The following NOX5 variants were observed in gnomAD, a reference collection of about 807,000 sequenced individuals.
NOX5 encodes NADPH oxidase, EF-hand calcium binding domain 5.
In NOX5, 76 loss-of-function variants were observed where a neutral mutation model predicts 85.7. That is an observed-to-expected ratio of 0.89 (90% CI 0.74 to 1.07). The LOEUF is 1.07. Among genes scored for constraint, NOX5 ranks in the 50% least tolerant of loss-of-function variants. NOX5 has a pLI of 0.00. For synonymous variants in NOX5, 405 were observed against 401.4 expected, an observed-to-expected ratio of 1.01 and a Z score of -0.11; for missense variants, 973 against 999.5, an observed-to-expected ratio of 0.97 and a Z score of 0.36.
chr15:69,019,188 C>T (rs915882303), intron 1 of NOX5, among the ~76,000 whole-genome samples: 1 of 152,140 alleles, frequency 6.6e-6, no homozygotes, highest in Non-Finnish European at 1.5e-5. Context: ...TTGTCATACC[C>T]GGCAGTAACG....
chr15:69,055,094 A>C (rs2050794357), intron 14 of NOX5, among the ~76,000 whole-genome samples: 15 of 152,184 alleles, frequency 9.9e-5, no homozygotes, highest in Admixed American at 9.8e-4. Context: ...TAACTCTTGG[A>C]GTGGTTGTGA....
chr15:69,035,855 G>C lies in NOX5; in HGVS notation c.1107G>C (p.Pro369=), dbSNP rs1484299977. The change falls in exon 7 of 16, where the codon CCG becomes CCC. Residue 369 remains proline (P), a synonymous_variant. Coordinates refer to ENST00000388866, the MANE Select transcript of NOX5 (RefSeq NM_024505.4). Reference sequence around the variant, plus strand: ...GCTGGGTACACGGTTCGGCCTCCCCGACAGGTGTCGCTCTGCTGCTGCTGC... The same window carrying C: ...GCTGGGTACACGGTTCGGCCTCCCCCACAGGTGTCGCTCTGCTGCTGCTGC... ...GIGWVHGSAS[P]TGVALLLLLL... is the part of the protein sequence containing the mutation. 2 of 1,614,100 alleles carry C rather than the reference G, an allele frequency of 1.2e-6. No homozygotes were observed. Among genetic ancestry groups the C allele is most frequent in the African/African-American group, 2.7e-5 (2 of 75,054 alleles).
intron 13 of NOX5, 106 bp downstream of exon 13, chr15:69,048,017 C>G: frequency 1.1e-6 from 1 of 904,822 alleles, no homozygotes; most frequent in Non-Finnish European, 1.8e-6. Flanking sequence ...TAGGTGATCC[C>G]TAATGGGATC....
intron 15 of NOX5, among the ~76,000 whole-genome samples, chr15:69,056,095 C>G (rs1294974524): frequency 6.6e-6 from 1 of 152,018 alleles, no homozygotes; most frequent in Non-Finnish European, 1.5e-5. Context: ...AAAGGCAATT[C>G]ATAAGCAGAA....
At chr15:69,020,204 G>C (rs2050280499) in intron 1 of NOX5, among the ~76,000 whole-genome samples, 1 of 152,132 alleles carries the variant, frequency 6.6e-6, no homozygotes, top group Non-Finnish European at 1.5e-5. Flanking sequence ...TTTATAACAG[G>C]TGTGACCATT....
intron 5 of NOX5, among the ~76,000 whole-genome samples, 173 bp from the exon 6 acceptor site, chr15:69,035,181 A>G (rs1241955994): frequency 6.6e-6 from 1 of 152,218 alleles, no homozygotes; most frequent in Non-Finnish European, 1.5e-5. Flanking sequence ...ATCCTCCTCT[A>G]GAGACCCCAG....
Position 69,062,538 on chromosome 15 carries a change from C to G in NOX5, c.*5842C>G, listed in dbSNP as rs951634659. On this transcript the variant is annotated 3_prime_UTR_variant, in exon 16 of 16. Coordinates refer to ENST00000388866, the MANE Select transcript of NOX5 (RefSeq NM_024505.4). ...ACCTCTCAGGTCTTGGCAATGTCCA[C>G]CTTGCTTTTTTTACTTTAAATAGCA... 2 of 152,188 alleles carry G rather than the reference C, an allele frequency of 1.3e-5. No individual in the cohort carries two copies. Among genetic ancestry groups the G allele is most frequent in the African/African-American group, 4.8e-5 (2 of 41,444 alleles). 9.4% of individuals were successfully genotyped at this position (152,188 alleles called of 1,614,324 possible). A position where few individuals can be genotyped will look rare whatever the true frequency, so the allele number is the denominator to read the frequency against.
chr15:69,056,996 G>A lies in NOX5; in HGVS notation c.*300G>A, dbSNP rs1219438137. 2 of 237,986 alleles carry A rather than the reference G, an allele frequency of 8.4e-6. No homozygotes were observed. Among genetic ancestry groups the A allele is most frequent in the Non-Finnish European group, 8.1e-6 (1 of 122,760 alleles). 14.7% of individuals were successfully genotyped at this position (237,986 alleles called of 1,614,324 possible). On this transcript the variant is annotated 3_prime_UTR_variant, in exon 16 of 16. Coordinates refer to ENST00000388866, the MANE Select transcript of NOX5 (RefSeq NM_024505.4). ...GGGGGTGGGGTTCGAGGGGGCAGAG[G>A]GCAACCACTCCTCCAAACATTTTCC...
intron 13 of NOX5, among the ~76,000 whole-genome samples, chr15:69,048,325 G>A (rs2050702295): frequency 2.0e-5 from 3 of 152,158 alleles, no homozygotes; most frequent in African/African-American, 7.2e-5. Flanking sequence ...TTGAGCCCAA[G>A]AGCTCAAGAC....
intron 1 of NOX5, chr15:69,024,075 A>G (rs528060451): frequency 6.5e-6 from 1 of 153,940 alleles, no homozygotes; most frequent in South Asian, 2.0e-4. Context: ...CCAGCCATCA[A>G]TGTCTTACCC....
At chr15:69,027,154 T>C (rs1032846309) in intron 2 of NOX5, among the ~76,000 whole-genome samples, 9 of 152,142 alleles carry the variant, frequency 5.9e-5, no homozygotes, top group African/African-American at 1.9e-4. Flanking sequence ...CATTGAATAG[T>C]GGCCTGGTCC....
At chr15:69,051,344 G>C (rs543280347) in intron 14 of NOX5, among the ~76,000 whole-genome samples, 1 of 151,948 alleles carries the variant, frequency 6.6e-6, no homozygotes, top group South Asian at 2.1e-4. Context: ...TTTTCTGGTT[G>C]TTTCAGGTGG....
intron 9 of NOX5, 75 bp downstream of exon 9, chr15:69,039,064 C>T (rs1024049208): frequency 2.6e-6 from 4 of 1,522,188 alleles, no homozygotes; most frequent in Non-Finnish European, 3.6e-6. Flanking sequence ...AGGCTGGAAA[C>T]TCGGAACACA....
chr15:69,056,211 C>T (rs192779729), intron 15 of NOX5, among the ~76,000 whole-genome samples: 1 of 152,288 alleles, frequency 6.6e-6, no homozygotes, highest in Non-Finnish European at 1.5e-5. Context: ...GGTTCAGACT[C>T]CCATGGGAGT....
chr15:69,033,560 A>G (rs750472081), intron 5 of NOX5, among the ~76,000 whole-genome samples: 6 of 152,136 alleles, frequency 3.9e-5, no homozygotes, highest in East Asian at 1.9e-4. Context: ...CAACTCCCCT[A>G]TAGTGGACCC....
At chr15:69,045,379 CAAT>C (rs2050648710) in intron 10 of NOX5, among the ~76,000 whole-genome samples, 1 of 152,178 alleles carries the variant, frequency 6.6e-6, no homozygotes. Context: ...AAAGTAAAAA[CAAT>C]GAGAATCAAT....
In NOX5 at chr15:69,057,277, G is replaced by A. The variant is rs2050824634; in HGVS notation, c.*581G>A. ...ATTTTTTGGATGCATTTTCAAGTTA[G>A]GTGCAAATATCTCAGCACACCTTGC... On this transcript the variant is annotated 3_prime_UTR_variant, in exon 16 of 16. Coordinates refer to ENST00000388866, the MANE Select transcript of NOX5 (RefSeq NM_024505.4). The A allele has an allele frequency of 6.6e-6, 1 of 152,184 alleles. No homozygotes were observed. The highest frequency in any genetic ancestry group is 1.5e-5 in the Non-Finnish European group (1 of 68,148). The allele number at this position is 152,184 out of a possible 1,614,324, so 9.4% of individuals were successfully genotyped here. A position where few individuals can be genotyped will look rare whatever the true frequency, so the allele number is the denominator to read the frequency against.
In NOX5 at chr15:69,033,421, T is replaced by C. The variant is rs965707477; in HGVS notation, c.855+144T>C. The C allele has an allele frequency of 8.9e-6, 8 of 897,938 alleles. No homozygotes were observed. The African/African-American group carries it at 1.4e-4, about 16-fold the overall frequency. 55.6% of individuals were successfully genotyped at this position (897,938 alleles called of 1,614,324 possible). A position where few individuals can be genotyped will look rare whatever the true frequency, so the allele number is the denominator to read the frequency against. The stretch of plus-strand genomic sequence containing the variant: ...AAATCAGCTGGGCCAACGCTCAGAG[T>C]TGGAGGACGCCGCCCAGAGAGGGAC... On this transcript the variant is annotated intron_variant, in intron 5 of 15. Transcript: ENST00000388866.
intron 1 of NOX5, 51 bp downstream of exon 1, chr15:69,014,836 G>A: frequency 7.5e-7 from 1 of 1,338,312 alleles, no homozygotes; most frequent in Non-Finnish European, 1.0e-6. Flanking sequence ...GGGAAAGGTG[G>A]GATTATTTGC....
Sources: gnomAD v4.1 joint callset for allele counts (sites outside exome capture counted in the v4.1 genomes callset) on GRCh38, gnomAD v4.1.1 for gene constraint, MANE v1.5 for transcripts, NCBI Gene and HGNC (gene_info 2026-07-23, HGNC 2026-07-21) for gene names.